The following MSR1 variants were observed in gnomAD, a reference collection of about 807,000 sequenced individuals.
MSR1 encodes macrophage scavenger receptor types I and II.
Under a neutral mutation model 47.2 loss-of-function variants are expected in MSR1, and 53 were observed. The ratio of observed to expected loss-of-function variants is 1.12; its 90% CI spans 0.90 to 1.41. The LOEUF (loss-of-function observed/expected upper bound fraction) is 1.41, where lower values mean the gene tolerates loss of function less well. MSR1 is among the 40% of genes most tolerant of loss of function. The pLI is 0.00. For synonymous variants in MSR1, 239 were observed against 185.6 expected, an observed-to-expected ratio of 1.29 and a Z score of -2.34; for missense variants, 786 against 546.9, an observed-to-expected ratio of 1.44 and a Z score of -4.36.
chr8:16,182,305 GT>G (rs1801856137), intron 1 of MSR1, among the ~76,000 whole-genome samples: 1 of 152,208 alleles, frequency 6.6e-6, no homozygotes, highest in Non-Finnish European at 1.5e-5. Context: ...GGGTGAGTCA[GT>G]GAGTGAGCGG....
intron 7 of MSR1, among the ~76,000 whole-genome samples, chr8:16,146,987 A>T (rs1204313859): frequency 6.6e-6 from 1 of 152,210 alleles, no homozygotes; most frequent in Non-Finnish European, 1.5e-5. Flanking sequence ...TATTTTAGAT[A>T]ATCCTGAAAA....
rs541866461 is a variant in MSR1 at position 16,145,316 on chromosome 8, A to G, written c.980-1705T>C. Reference sequence around the variant, plus strand: ...TTTTGAGAGCATGCTTTAATAAAATATAGTGCCAAATTTTCAGATTGTCCA... The same window carrying G: ...TTTTGAGAGCATGCTTTAATAAAATGTAGTGCCAAATTTTCAGATTGTCCA... On this transcript the variant is annotated intron_variant, in intron 7 of 9. Transcript: ENST00000262101. Among the ~76,000 whole-genome samples, 8 of 152,260 alleles carry G rather than the reference A, an allele frequency of 5.3e-5. 1 individual carries two copies. The highest frequency in any genetic ancestry group is 3.4e-3 in the Middle Eastern group (1 of 294).
In MSR1 at chr8:16,191,834, C is replaced by G. The variant is rs563888460; in HGVS notation, c.-5+764G>C. On this transcript the variant is annotated intron_variant, in intron 1 of 9. Transcript: ENST00000262101. ...CCCATTATATGCTGTGTGAATCTTA[C>G]TTAGTCTTCAAGATTAATCAGATTT... 3.3e-5 allele frequency among the ~76,000 whole-genome samples: 5 copies of G among 152,262 alleles called. No homozygotes were observed. In the East Asian group the frequency reaches 9.6e-4, roughly 29 times the overall value.
intron 1 of MSR1, among the ~76,000 whole-genome samples, chr8:16,178,378 G>A (rs576303628): frequency 9.2e-5 from 14 of 151,650 alleles, no homozygotes; most frequent in Non-Finnish European, 1.3e-4. Flanking sequence ...CCTTGCGATA[G>A]TTTGCTGAGA....
In MSR1 at chr8:16,183,875, T is replaced by C. The variant is rs897756561; in HGVS notation, c.-4-5883A>G. Among the ~76,000 whole-genome samples the C allele has an allele frequency of 2.1e-5, 3 of 142,958 alleles. No homozygotes were observed. The Admixed American group carries it at 2.3e-4, about 11-fold the overall frequency. 93.8% of individuals were successfully genotyped at this position (142,958 alleles called of 152,430 possible). ...GGCAATATATAATATTAAATATATT[T>C]ATATTATTATATAATATATAATTAT... On this transcript the variant is annotated intron_variant, in intron 1 of 9. Coordinates refer to ENST00000262101, the MANE Select transcript of MSR1 (RefSeq NM_138715.3).
intron 3 of MSR1, among the ~76,000 whole-genome samples, chr8:16,169,867 G>C (rs888795841): frequency 6.6e-6 from 1 of 151,282 alleles, no homozygotes; most frequent in Admixed American, 6.6e-5. Flanking sequence ...GAACAATCTT[G>C]TGATTAATTA....
intron 1 of MSR1, among the ~76,000 whole-genome samples, chr8:16,184,256 G>T (rs398095): frequency 6.6e-6 from 1 of 151,732 alleles, no homozygotes; most frequent in African/African-American, 2.4e-5. Flanking sequence ...CCTAGATTCA[G>T]GTAACTTCCT....
chr8:16,140,632 G>T, intron 8 of MSR1: 1 of 1,147,954 alleles, frequency 8.7e-7, no homozygotes, highest in East Asian at 5.0e-5. Context: ...GAACACAGCA[G>T]TTCTCCTAGA....
At chr8:16,176,465 C>T (rs528463383) in intron 2 of MSR1, among the ~76,000 whole-genome samples, 1 of 149,454 alleles carries the variant, frequency 6.7e-6, no homozygotes, top group Admixed American at 6.7e-5. Context: ...TATGATCGCA[C>T]CACTGCACTC....
intron 9 of MSR1, among the ~76,000 whole-genome samples, chr8:16,115,428 G>T (rs1287068901): frequency 6.6e-6 from 1 of 152,030 alleles, no homozygotes; most frequent in Non-Finnish European, 1.5e-5. Flanking sequence ...AAAAAATCAG[G>T]AATGTTTTAA....
At chr8:16,126,360 C>A (rs1330304073) in intron 8 of MSR1, among the ~76,000 whole-genome samples, 1 of 152,018 alleles carries the variant, frequency 6.6e-6, no homozygotes, top group African/African-American at 2.4e-5. Flanking sequence ...ATTGTTTACT[C>A]ATAGTCATGA....
chr8:16,114,247 T>C (rs183727827), intron 9 of MSR1, among the ~76,000 whole-genome samples: 103 of 151,198 alleles, frequency 6.8e-4, no homozygotes, highest in African/African-American at 2.3e-3. Flanking sequence ...TTTTTGAAAA[T>C]TTCACATAGA....
Position 16,189,795 on chromosome 8 carries a change from A to G in MSR1, c.-5+2803T>C, listed in dbSNP as rs1282714152. On this transcript the variant is annotated intron_variant, in intron 1 of 9. Transcript: ENST00000262101. ...TATATAAAATCTTATTTATACAGCC[A>G]TTTTTCTAAATAAAAAATACAGCCA... Among the ~76,000 whole-genome samples, 8 of 134,022 alleles carry G rather than the reference A, an allele frequency of 6.0e-5. No homozygotes were observed. The East Asian group carries it at 1.5e-3, about 25-fold the overall frequency. The allele number at this position is 134,022 out of a possible 152,430, so 87.9% of individuals were successfully genotyped here. A position where few individuals can be genotyped will look rare whatever the true frequency, so the allele number is the denominator to read the frequency against.
intron 7 of MSR1, among the ~76,000 whole-genome samples, chr8:16,146,523 C>A (rs555153183): frequency 2.0e-5 from 3 of 152,228 alleles, no homozygotes; most frequent in Admixed American, 2.0e-4. Context: ...CTGGTTATCA[C>A]CCCACCCCAC....
intron 1 of MSR1, among the ~76,000 whole-genome samples, chr8:16,192,250 A>G (rs1802218939): frequency 6.6e-6 from 1 of 152,194 alleles, no homozygotes; most frequent in African/African-American, 2.4e-5. Flanking sequence ...AATATGTCAA[A>G]TTATACTTTG....
In MSR1 at chr8:16,147,885, T is replaced by C. The variant is rs144569282; in HGVS notation, c.979+2346A>G. On this transcript the variant is annotated intron_variant, in intron 7 of 9. Coordinates refer to ENST00000262101, the MANE Select transcript of MSR1 (RefSeq NM_138715.3). ...GTTTTTTTCCACCTAAACATAATGG[T>C]TTTCAAAATGTGGTCCCTGGACCAA... is the stretch of plus-strand genomic sequence containing the variant. Among the ~76,000 whole-genome samples, 181 of 152,194 alleles carry C rather than the reference T, an allele frequency of 1.2e-3. 1 individual carries two copies. The highest frequency in any genetic ancestry group is 4.2e-3 in the African/African-American group (174 of 41,540).
intron 9 of MSR1, among the ~76,000 whole-genome samples, chr8:16,113,684 T>A (rs564544164): frequency 1.5e-4 from 23 of 152,292 alleles, no homozygotes; most frequent in African/African-American, 5.1e-4. Flanking sequence ...CTCAATTTTA[T>A]GATATGCAGA....
intron 5 of MSR1, among the ~76,000 whole-genome samples, chr8:16,155,553 A>C (rs769789263): frequency 3.0e-4 from 46 of 152,036 alleles, no homozygotes; most frequent in Non-Finnish European, 5.7e-4. Flanking sequence ...AACTTAAAAG[A>C]CATTTGTGAT....
chr8:16,132,443 T>C lies in MSR1; in HGVS notation c.1033+11115A>G, dbSNP rs1003844106. Among the ~76,000 whole-genome samples the C allele has an allele frequency of 8.6e-5, 13 of 152,024 alleles. 1 individual carries two copies. Among genetic ancestry groups the C allele is most frequent in the Non-Finnish European group, 1.5e-4 (10 of 67,964 alleles). On this transcript the variant is annotated intron_variant, in intron 8 of 9. Transcript: ENST00000262101. ...ATCATGTTGTCTGCAAACAGATAGTTTGACTTTTTCTCTTTCTATTTTGAT... is the reference window on the plus strand; with the variant it reads ...ATCATGTTGTCTGCAAACAGATAGTCTGACTTTTTCTCTTTCTATTTTGAT...
Sources: gnomAD v4.1 joint callset for allele counts (sites outside exome capture counted in the v4.1 genomes callset) on GRCh38, gnomAD v4.1.1 for gene constraint, MANE v1.5 for transcripts, NCBI Gene and HGNC (gene_info 2026-07-23, HGNC 2026-07-21) for gene names.